Variants in ESR1 observed in about 807,000 individuals in gnomAD.
ESR1 encodes estrogen receptor.
A neutral mutation model predicts 52.7 loss-of-function variants in ESR1; 12 were observed. The ratio of observed to expected loss-of-function variants is 0.23; its 90% CI spans 0.15 to 0.37. The LOEUF is 0.37. Among genes scored for constraint, ESR1 ranks in the 10% least tolerant of loss-of-function variants. ESR1 has a pLI of 1.00. For missense variants in ESR1, 584 were observed against 779.7 expected, an observed-to-expected ratio of 0.75 and a Z score of 2.99; for synonymous variants, 305 against 316.8, an observed-to-expected ratio of 0.96 and a Z score of 0.39.
intron 1 of ESR1, among the ~76,000 whole-genome samples, chr6:151,679,344 C>T (rs942109262): frequency 6.6e-6 from 1 of 152,100 alleles, no homozygotes; most frequent in Non-Finnish European, 1.5e-5. Flanking sequence ...ATTGAACTCC[C>T]GTTAGCTTTA....
In ESR1 at chr6:152,097,847, G is replaced by T. The variant is rs559071451; in HGVS notation, c.1554-885G>T. Among the ~76,000 whole-genome samples, 5 of 152,266 alleles carry T rather than the reference G, an allele frequency of 3.3e-5. No homozygotes were observed. The South Asian group carries it at 1.0e-3, about 32-fold the overall frequency. ...GCTTCTCTAGGAATTCGCACTGAGGGTGTGAGTGTGTGCACGTGTGTGTTT... is the reference window on the plus strand; with the variant it reads ...GCTTCTCTAGGAATTCGCACTGAGGTTGTGAGTGTGTGCACGTGTGTGTTT... On this transcript the variant is annotated intron_variant, in intron 7 of 7. Transcript: ENST00000206249.
intron 4 of ESR1, among the ~76,000 whole-genome samples, chr6:152,008,917 C>A (rs1457499946): frequency 6.6e-6 from 1 of 152,024 alleles, no homozygotes; most frequent in Non-Finnish European, 1.5e-5. Context: ...AACCAGAGGG[C>A]TTTCGTTTTA....
chr6:151,720,851 A>G (rs1781404740), intron 2 of ESR1, among the ~76,000 whole-genome samples: 2 of 152,298 alleles, frequency 1.3e-5, no homozygotes, highest in South Asian at 4.1e-4. Flanking sequence ...GACATAATGC[A>G]CTTTTAGTGG....
rs1036362632 is a variant in ESR1 at position 151,673,128 on chromosome 6, A to G, written n.73+16365A>G. 3.9e-5 allele frequency among the ~76,000 whole-genome samples: 6 copies of G among 152,246 alleles called. No individual in the cohort carries two copies. In the South Asian group the frequency reaches 6.2e-4, roughly 16 times the overall value. ...GGCATGAGCCACGGCGCCCGGCTTC[A>G]TGATCAAATTTTGTAAATGGTTGAT... On this transcript the variant is annotated intron_variant and non_coding_transcript_variant, in intron 1 of 2. Coordinates refer to the ESR1 transcript ENST00000473497.
At chr6:151,985,646 G>A (rs73628496) in intron 4 of ESR1, among the ~76,000 whole-genome samples, 1,600 of 151,318 alleles carry the variant, frequency 0.011, 25 homozygotes, top group African/African-American at 0.031. Context: ...GTCGGATGGG[G>A]CAATCGTCAT....
chr6:152,066,304 C>T (rs2047961431), intron 6 of ESR1, among the ~76,000 whole-genome samples: 1 of 152,196 alleles, frequency 6.6e-6, no homozygotes, highest in Admixed American at 6.5e-5. Flanking sequence ...TATTATTAGA[C>T]AATTACTCAG....
intron 2 of ESR1, among the ~76,000 whole-genome samples, chr6:151,713,306 TG>T (rs751222163): frequency 2.6e-5 from 4 of 152,164 alleles, no homozygotes; most frequent in Non-Finnish European, 5.9e-5. Context: ...TTTCTTTTTT[TG>T]TTGTGTCTCT....
At chr6:152,088,583 T>C (rs757634122) in intron 6 of ESR1, among the ~76,000 whole-genome samples, 2 of 152,172 alleles carry the variant, frequency 1.3e-5, no homozygotes. Flanking sequence ...CAATGAGTTA[T>C]CCCAGGAGTG....
intron 4 of ESR1, among the ~76,000 whole-genome samples, chr6:151,990,973 G>C (rs1369521925): frequency 6.6e-6 from 1 of 152,094 alleles, no homozygotes; most frequent in East Asian, 1.9e-4. Flanking sequence ...GAAGAATTAA[G>C]TTAGTTGCCC....
chr6:151,768,881 T>C (rs967380879), intron 2 of ESR1, among the ~76,000 whole-genome samples: 4 of 152,206 alleles, frequency 2.6e-5, no homozygotes, highest in African/African-American at 9.6e-5. Flanking sequence ...GTGCCTTGTG[T>C]TTTCCTGCTG....
chr6:151,771,998 G>A (rs1052867537), intron 2 of ESR1, among the ~76,000 whole-genome samples: 1 of 152,126 alleles, frequency 6.6e-6, no homozygotes, highest in Non-Finnish European at 1.5e-5. Context: ...TGAAAAGAAG[G>A]GTAAATGTTT....
chr6:151,779,730 T>C (rs972652020), intron 2 of ESR1, among the ~76,000 whole-genome samples: 1 of 151,840 alleles, frequency 6.6e-6, no homozygotes, highest in African/African-American at 2.4e-5. Flanking sequence ...CACACGTATG[T>C]TTATTGCAGC....
At chr6:152,072,855 C>T (rs2048457754) in intron 6 of ESR1, among the ~76,000 whole-genome samples, 1 of 152,256 alleles carries the variant, frequency 6.6e-6, no homozygotes, top group South Asian at 2.1e-4. Flanking sequence ...CACATCTGTC[C>T]TTTCTCCTTG....
In ESR1 at chr6:151,948,099, A is replaced by G. The variant is rs532694388; in HGVS notation, c.1096+3591A>G. 2.0e-5 allele frequency among the ~76,000 whole-genome samples: 3 copies of G among 152,294 alleles called. No homozygotes were observed. In the South Asian group the frequency reaches 6.2e-4, roughly 32 times the overall value. On this transcript the variant is annotated intron_variant, in intron 4 of 7. Transcript: ENST00000206249. ...TGTAATATCATTGAGCTGAAGGTTAAAAAGGAAAAAATATGACTGCAAGAG... is the reference window on the plus strand; with the variant it reads ...TGTAATATCATTGAGCTGAAGGTTAGAAAGGAAAAAATATGACTGCAAGAG...
Position 151,691,486 on chromosome 6 carries a change from G to A in ESR1, c.-202+822G>A, listed in dbSNP as rs899237879. On this transcript the variant is annotated intron_variant, in intron 1 of 2. Coordinates refer to the ESR1 transcript ENST00000404742. The stretch of plus-strand genomic sequence containing the variant: ...AGTATTCTCTCAAACAAGTCCGTAG[G>A]AGCCAACATGATTAAAAGATTTTAA... Among the ~76,000 whole-genome samples, 72 of 152,284 alleles carry A rather than the reference G, an allele frequency of 4.7e-4. 1 individual carries two copies. Among genetic ancestry groups the A allele is most frequent in the African/African-American group, 1.7e-3 (69 of 41,570 alleles).
At chr6:151,877,705 C>T (rs1402931413) in intron 2 of ESR1, among the ~76,000 whole-genome samples, 1 of 152,170 alleles carries the variant, frequency 6.6e-6, no homozygotes, top group Non-Finnish European at 1.5e-5. Context: ...TTCTGGCTTA[C>T]AAAGTAACTG....
chr6:151,734,718 G>A (rs1033177614), intron 2 of ESR1, among the ~76,000 whole-genome samples: 5 of 151,746 alleles, frequency 3.3e-5, no homozygotes, highest in Admixed American at 1.3e-4. Flanking sequence ...TGCCTCCTGG[G>A]TTCAAGTGAT....
chr6:151,916,539 A>G (rs2030247802), intron 3 of ESR1, among the ~76,000 whole-genome samples: 1 of 152,134 alleles, frequency 6.6e-6, no homozygotes, highest in Non-Finnish European at 1.5e-5. Context: ...GGTGAGAAAG[A>G]ATTGCTTCTG....
chr6:151,969,297 C>T (rs1227869620), intron 4 of ESR1, among the ~76,000 whole-genome samples: 2 of 151,722 alleles, frequency 1.3e-5, no homozygotes, highest in African/African-American at 4.8e-5. Context: ...ATTATTATAC[C>T]ATCATTAGAG....
Sources: gnomAD v4.1 joint callset for allele counts (sites outside exome capture counted in the v4.1 genomes callset) on GRCh38, gnomAD v4.1.1 for gene constraint, MANE v1.5 for transcripts, NCBI Gene and HGNC (gene_info 2026-07-23, HGNC 2026-07-21) for gene names.